The following CAND1 variants were observed in gnomAD, a reference collection of about 807,000 sequenced individuals.
The protein encoded by CAND1 is cullin associated and neddylation dissociated 1.
In CAND1, 7 loss-of-function variants were observed where a neutral mutation model predicts 108.5. That is an observed-to-expected ratio of 0.06 (90% CI 0.04 to 0.12). The LOEUF is 0.12. Ranked by LOEUF, CAND1 falls within the 10% of genes least tolerant of loss-of-function variation. CAND1 has a pLI of 1.00. For missense variants in CAND1, 941 were observed against 1,448.7 expected (o/e 0.65, Z 5.69); for synonymous variants, 534 against 512.0 (o/e 1.04, Z -0.58).
chr12:67,279,788 A>T (rs2044603304), intron 1 of CAND1, among the ~76,000 whole-genome samples: 1 of 152,194 alleles, frequency 6.6e-6, no homozygotes, highest in South Asian at 2.1e-4. Flanking sequence ...TGCCGGTAGA[A>T]CCATACAGGA....
Position 67,269,437 on chromosome 12 carries a change from C to T in CAND1, c.-281C>T. 1 of 460,336 alleles carries T rather than the reference C, an allele frequency of 2.2e-6. No individual in the cohort carries two copies. The highest frequency in any genetic ancestry group is 3.8e-6 in the Non-Finnish European group (1 of 262,754). 28.5% of individuals were successfully genotyped at this position (460,336 alleles called of 1,614,324 possible). A position where few individuals can be genotyped will look rare whatever the true frequency, so the allele number is the denominator to read the frequency against. ...GAAGTGTCTGGCTCCCCGTAGAGGCCCTTCTGTACGCCCCGCCGCCCATGA... is the reference window on the plus strand; with the variant it reads ...GAAGTGTCTGGCTCCCCGTAGAGGCTCTTCTGTACGCCCCGCCGCCCATGA... On this transcript the variant is annotated 5_prime_UTR_variant, in exon 1 of 15. Transcript: ENST00000545606.
In CAND1 at chr12:67,316,047, G is replaced by A. The variant is rs564984026; in HGVS notation, c.*3217G>A. 24 of 152,260 alleles carry A rather than the reference G, an allele frequency of 1.6e-4. No individual in the cohort carries two copies. The highest frequency in any genetic ancestry group is 5.5e-4 in the African/African-American group (23 of 41,550). The allele number at this position is 152,260 out of a possible 1,614,324, so 9.4% of individuals were successfully genotyped here. A position where few individuals can be genotyped will look rare whatever the true frequency, so the allele number is the denominator to read the frequency against. ...TCTGGATATATTATGCTTAGTAAGT[G>A]TTTTGAAATTAAAGACCTTAAACAT... On this transcript the variant is annotated 3_prime_UTR_variant, in exon 15 of 15. Transcript: ENST00000545606.
At chr12:67,309,149 C>T (rs779227330) in intron 11 of CAND1, among the ~76,000 whole-genome samples, 5 of 151,940 alleles carry the variant, frequency 3.3e-5, no homozygotes, top group Non-Finnish European at 7.4e-5. Context: ...AACTGAGGTT[C>T]TTGCCTAAAG....
At chr12:67,310,365 T>C in intron 13 of CAND1, 49 bp downstream of exon 13, 1 of 1,352,262 alleles carries the variant, frequency 7.4e-7, no homozygotes, top group Non-Finnish European at 1.0e-6. Context: ...AAGACTTTGC[T>C]AGAGCAACTT....
In CAND1 at chr12:67,306,328, A is replaced by C. The variant is rs753574420; in HGVS notation, c.2660A>C (p.Asn887Thr). 5 of 1,614,138 alleles carry C rather than the reference A, an allele frequency of 3.1e-6. No individual in the cohort carries two copies. The highest frequency in any genetic ancestry group is 4.2e-6 in the Non-Finnish European group (5 of 1,180,004). The change falls in exon 10 of 15, where the codon AAC becomes ACC. Residue 887 changes from asparagine to threonine, a missense_variant. Coordinates refer to ENST00000545606, the MANE Select transcript of CAND1 (RefSeq NM_018448.5). Reference sequence around the variant, plus strand: ...GCATTAGGCAGCATTAGTGTGGGCAACCTTCCTGAATATCTGCCGTTTGTC... The same window carrying C: ...GCATTAGGCAGCATTAGTGTGGGCACCCTTCCTGAATATCTGCCGTTTGTC... ...SYALGSISVG[N>T]LPEYLPFVLQ...
In CAND1 at chr12:67,281,884, A is replaced by G. The variant is rs776177844; in HGVS notation, c.69-26A>G. Reference sequence around the variant, plus strand: ...TAAATTAATGCTTTAAAATTTTCAAATTAACAAATTTTATTTTTTTGATAG... The same window carrying G: ...TAAATTAATGCTTTAAAATTTTCAAGTTAACAAATTTTATTTTTTTGATAG... On this transcript the variant is annotated intron_variant, in intron 1 of 14. Coordinates refer to ENST00000545606, the MANE Select transcript of CAND1 (RefSeq NM_018448.5). 4.6e-6 allele frequency: 7 copies of G among 1,525,002 alleles called. No homozygotes were observed. The South Asian group carries it at 7.5e-5, about 16-fold the overall frequency. 94.5% of individuals were successfully genotyped at this position (1,525,002 alleles called of 1,614,324 possible).
intron 1 of CAND1, among the ~76,000 whole-genome samples, chr12:67,280,979 G>C (rs2044614207): frequency 6.6e-6 from 1 of 152,062 alleles, no homozygotes; most frequent in African/African-American, 2.4e-5. Flanking sequence ...AGTGGCCCCT[G>C]CTTGTAATCC....
chr12:67,299,928 A>G (rs2044807842), intron 7 of CAND1, among the ~76,000 whole-genome samples: 1 of 152,144 alleles, frequency 6.6e-6, no homozygotes, highest in Non-Finnish European at 1.5e-5. Context: ...CAGTAATTTC[A>G]CCCATCTTTA....
At position 67,314,164 on chromosome 12, in the gene CAND1, A is replaced by G. The variant is rs2044984115; in HGVS notation, c.*1334A>G. On this transcript the variant is annotated 3_prime_UTR_variant, in exon 15 of 15. Transcript: ENST00000545606. Reference sequence around the variant, plus strand: ...CTAATGCTGTGCAAACATAGTTTACATGTATTGAAGGAGGCAGTTGTTAAA... The same window carrying G: ...CTAATGCTGTGCAAACATAGTTTACGTGTATTGAAGGAGGCAGTTGTTAAA... The G allele has an allele frequency of 1.3e-5, 2 of 152,230 alleles. No individual in the cohort carries two copies. The highest frequency in any genetic ancestry group is 4.1e-4 in the South Asian group (2 of 4,834). 9.4% of individuals were successfully genotyped at this position (152,230 alleles called of 1,614,324 possible). A position where few individuals can be genotyped will look rare whatever the true frequency, so the allele number is the denominator to read the frequency against.
At position 67,319,010 on chromosome 12, in the gene CAND1, G is replaced by A. The variant is rs2045035083; in HGVS notation, c.*6180G>A. On this transcript the variant is annotated 3_prime_UTR_variant, in exon 15 of 15. Transcript: ENST00000545606. ...CAGATCGCTGGGCCCTACACCCAGAGGCTGTGGTTCAGTAGGCTGTAGTAA... is the reference window on the plus strand; with the variant it reads ...CAGATCGCTGGGCCCTACACCCAGAAGCTGTGGTTCAGTAGGCTGTAGTAA... 6.6e-6 allele frequency: 1 copy of A among 152,194 alleles called. No homozygotes were observed. The highest frequency in any genetic ancestry group is 1.5e-5 in the Non-Finnish European group (1 of 68,042). 9.4% of individuals were successfully genotyped at this position (152,194 alleles called of 1,614,324 possible).
Position 67,314,618 on chromosome 12 carries a change from G to C in CAND1, c.*1788G>C, listed in dbSNP as rs762975620. ...TTACAATACTGCAGGCTCTAGGACT[G>C]AACAGGAGACTGACATGCATATGTT... is the stretch of plus-strand genomic sequence containing the variant. On this transcript the variant is annotated 3_prime_UTR_variant, in exon 15 of 15. Coordinates refer to ENST00000545606, the MANE Select transcript of CAND1 (RefSeq NM_018448.5). The C allele has an allele frequency of 6.6e-6, 1 of 152,238 alleles. No homozygotes were observed. The highest frequency in any genetic ancestry group is 1.9e-4 in the East Asian group (1 of 5,200). The allele number at this position is 152,238 out of a possible 1,614,324, so 9.4% of individuals were successfully genotyped here.
intron 1 of CAND1, among the ~76,000 whole-genome samples, chr12:67,280,546 G>GT: frequency 6.6e-6 from 1 of 152,186 alleles, no homozygotes; most frequent in East Asian, 1.9e-4. Context: ...AGAAAAAAGT[G>GT]TTAACTAGTT....
At chr12:67,270,117 A>G (rs1003720794) in intron 1 of CAND1, 1 of 274,306 alleles carries the variant, frequency 3.6e-6, no homozygotes, top group Non-Finnish European at 6.9e-6. Flanking sequence ...ACCACCCACC[A>G]TTGTGGAGAA....
intron 2 of CAND1, among the ~76,000 whole-genome samples, chr12:67,285,772 A>G (rs2044664683): frequency 6.6e-6 from 1 of 152,190 alleles, no homozygotes; most frequent in Non-Finnish European, 1.5e-5. Flanking sequence ...ACTCATATAA[A>G]TGGAATTACG....
intron 1 of CAND1, chr12:67,270,017 A>G (rs1196790528): frequency 2.0e-6 from 1 of 498,740 alleles, no homozygotes; most frequent in South Asian, 2.9e-5. Flanking sequence ...CGCGGTCTCT[A>G]GGCCCCGTTT....
At chr12:67,308,124 C>G (rs1396469949) in intron 11 of CAND1, among the ~76,000 whole-genome samples, 2 of 151,836 alleles carry the variant, frequency 1.3e-5, no homozygotes, top group Non-Finnish European at 2.9e-5. Flanking sequence ...TGATAATAGC[C>G]AAAAACACCT....
intron 1 of CAND1, among the ~76,000 whole-genome samples, chr12:67,278,917 T>C (rs1211337462): frequency 6.6e-6 from 1 of 152,170 alleles, no homozygotes; most frequent in East Asian, 1.9e-4. Context: ...AAAGTTAATA[T>C]GCCTTTTACT....
At chr12:67,278,690 TG>T (rs973230710) in intron 1 of CAND1, among the ~76,000 whole-genome samples, 1 of 151,986 alleles carries the variant, frequency 6.6e-6, no homozygotes, top group African/African-American at 2.4e-5. Context: ...AGCTAATTTT[TG>T]TAATTTTAGT....
At chr12:67,306,990 C>A (rs1419624372) in intron 10 of CAND1, among the ~76,000 whole-genome samples, 1 of 152,034 alleles carries the variant, frequency 6.6e-6, no homozygotes, top group South Asian at 2.1e-4. Flanking sequence ...TTCAGATTTA[C>A]CAGTGTCATC....
Sources: allele counts gnomAD v4.1 joint callset (sites outside exome capture counted in the v4.1 genomes callset), GRCh38; gene constraint gnomAD v4.1.1; transcripts MANE v1.5; gene names NCBI Gene and HGNC (gene_info 2026-07-23, HGNC 2026-07-21).